Variants in GRIK1 observed in about 807,000 individuals in gnomAD.
GRIK1 encodes glutamate ionotropic receptor kainate type subunit 1, also known as glutamate receptor ionotropic, kainate 1.
GRIK1 carries 69 observed loss-of-function variants against 105.7 expected under a neutral mutation model. That is an observed-to-expected ratio of 0.65 (90% CI 0.54 to 0.80). GRIK1 has a LOEUF of 0.80. Among genes scored for constraint, GRIK1 ranks in the 30% least tolerant of loss-of-function variants. The pLI is 0.00. For synonymous variants in GRIK1, 438 were observed against 431.3 expected (o/e 1.02, Z -0.19); for missense variants, 1,109 against 1,167.3 (o/e 0.95, Z 0.73).
chr21:29,542,371 C>A (rs954867537), intron 16 of GRIK1, among the ~76,000 whole-genome samples: 3 of 104,610 alleles, frequency 2.9e-5, no homozygotes, highest in Non-Finnish European at 4.2e-5. Context: ...CTTGTGTGAG[C>A]CTGAATATAA....
At chr21:29,745,254 G>T (rs1801137019) in intron 1 of GRIK1, among the ~76,000 whole-genome samples, 1 of 152,112 alleles carries the variant, frequency 6.6e-6, no homozygotes, top group South Asian at 2.1e-4. Context: ...CTCAAGACTT[G>T]AATACTGTCA....
intron 1 of GRIK1, among the ~76,000 whole-genome samples, chr21:29,904,320 G>GAA (rs34579864): frequency 1.3e-5 from 2 of 149,036 alleles, no homozygotes; most frequent in East Asian, 2.0e-4. Flanking sequence ...TTTTTTTTGG[G>GAA]AAAAAAAAGG....
chr21:29,639,224 A>G (rs552551498), intron 7 of GRIK1, among the ~76,000 whole-genome samples: 3 of 152,330 alleles, frequency 2.0e-5, no homozygotes, highest in Admixed American at 6.5e-5. Context: ...TTGCTAATTC[A>G]TTCATTAATT....
At chr21:29,687,304 A>C (rs2146703455) in intron 3 of GRIK1, among the ~76,000 whole-genome samples, 1 of 152,204 alleles carries the variant, frequency 6.6e-6, no homozygotes, top group African/African-American at 2.4e-5. Flanking sequence ...GGTGCTAAGC[A>C]CACCTAAGTC....
chr21:29,580,087 GTGTA>G (rs1568843518), intron 13 of GRIK1, among the ~76,000 whole-genome samples: 1 of 143,990 alleles, frequency 6.9e-6, no homozygotes, highest in Non-Finnish European at 1.5e-5. Context: ...GTATATGTGT[GTGTA>G]TATATATGTG....
intron 6 of GRIK1, among the ~76,000 whole-genome samples, chr21:29,647,285 G>A (rs2062640251): frequency 6.6e-6 from 1 of 152,196 alleles, no homozygotes; most frequent in Non-Finnish European, 1.5e-5. Context: ...CAGATTTATG[G>A]ATGAGCAGAC....
intron 1 of GRIK1, among the ~76,000 whole-genome samples, chr21:29,720,691 G>A (rs1195378568): frequency 2.6e-5 from 4 of 152,014 alleles, no homozygotes; most frequent in Non-Finnish European, 5.9e-5. Context: ...ACTCAGCTTC[G>A]ATCACCTCCA....
At chr21:29,684,361 T>A (rs1159339258) in intron 3 of GRIK1, among the ~76,000 whole-genome samples, 3 of 152,192 alleles carry the variant, frequency 2.0e-5, no homozygotes, top group African/African-American at 7.2e-5. Flanking sequence ...TTATCAACTA[T>A]CTATCTAATT....
chr21:29,587,217 C>A, intron 12 of GRIK1, 149 bp downstream of exon 12: 1 of 488,982 alleles, frequency 2.0e-6, no homozygotes, highest in Non-Finnish European at 3.6e-6. Flanking sequence ...ATTTACAGAA[C>A]GGCTTTTATA....
intron 1 of GRIK1, among the ~76,000 whole-genome samples, chr21:29,914,838 T>C (rs532276406): frequency 1.3e-5 from 2 of 152,200 alleles, no homozygotes; most frequent in East Asian, 3.9e-4. Context: ...TAAGCCCTTG[T>C]GGCTGTAAGC....
At chr21:29,803,536 C>T (rs2066771456) in intron 1 of GRIK1, among the ~76,000 whole-genome samples, 1 of 152,006 alleles carries the variant, frequency 6.6e-6, no homozygotes, top group African/African-American at 2.4e-5. Context: ...ACTTCAAAGA[C>T]AATTTTGGGT....
intron 4 of GRIK1, among the ~76,000 whole-genome samples, chr21:29,661,757 C>T (rs536418457): frequency 7.9e-5 from 12 of 152,302 alleles, no homozygotes; most frequent in African/African-American, 2.9e-4. Flanking sequence ...AACCCTAACT[C>T]CAGTGATTGG....
chr21:29,732,600 A>G (rs185354223), intron 1 of GRIK1, among the ~76,000 whole-genome samples: 4 of 152,196 alleles, frequency 2.6e-5, no homozygotes, highest in African/African-American at 9.6e-5. Flanking sequence ...CATAAATATC[A>G]CTTTAAGAGA....
At chr21:29,674,952 CCTG>C (rs760142878) in intron 3 of GRIK1, among the ~76,000 whole-genome samples, 11 of 152,174 alleles carry the variant, frequency 7.2e-5, no homozygotes, top group Non-Finnish European at 1.5e-4. Flanking sequence ...CTTATAATCA[CCTG>C]CTTGTCTTCT....
intron 1 of GRIK1, among the ~76,000 whole-genome samples, chr21:29,817,567 A>G (rs1458872364): frequency 6.6e-6 from 1 of 152,036 alleles, no homozygotes; most frequent in Non-Finnish European, 1.5e-5. Context: ...TTCTAAGAAG[A>G]CACCTGAGTC....
chr21:29,766,964 C>T (rs559236045), intron 1 of GRIK1, among the ~76,000 whole-genome samples: 110 of 152,308 alleles, frequency 7.2e-4, no homozygotes, highest in Non-Finnish European at 1.3e-3. Flanking sequence ...ATTCTGGGGT[C>T]TTAACTCATT....
intron 1 of GRIK1, among the ~76,000 whole-genome samples, chr21:29,863,305 G>T (rs8127108): frequency 6.6e-6 from 1 of 152,062 alleles, no homozygotes; most frequent in South Asian, 2.1e-4. Context: ...CATATATCAC[G>T]TGTGTCAACA....
intron 1 of GRIK1, among the ~76,000 whole-genome samples, chr21:29,907,770 G>A (rs980905632): frequency 6.6e-6 from 1 of 152,040 alleles, no homozygotes; most frequent in African/African-American, 2.4e-5. Context: ...ATATGCTAGT[G>A]AATTAAAAAA....
chr21:29,873,640 A>G (rs2069094649), intron 1 of GRIK1, among the ~76,000 whole-genome samples: 1 of 152,244 alleles, frequency 6.6e-6, no homozygotes, highest in Non-Finnish European at 1.5e-5. Flanking sequence ...TTTATTATGA[A>G]GCATCTAGCA....
Sources: allele counts gnomAD v4.1 joint callset (sites outside exome capture counted in the v4.1 genomes callset), GRCh38; gene constraint gnomAD v4.1.1; transcripts MANE v1.5; gene names NCBI Gene and HGNC (gene_info 2026-07-23, HGNC 2026-07-21).